XRN1: variants seen among roughly 807,000 people sequenced by gnomAD.
XRN1 encodes strand-exchange protein 1 homolog.
Under a neutral mutation model 222.3 loss-of-function variants are expected in XRN1, and 67 were observed. The observed-to-expected ratio is 0.30, with a 90% confidence interval of 0.25 to 0.37. The LOEUF is 0.37. Ranked by LOEUF, XRN1 falls within the 10% of genes least tolerant of loss-of-function variation. The pLI is 1.00. For synonymous variants in XRN1, 643 were observed against 652.4 expected (o/e 0.99, Z 0.22); for missense variants, 1,707 against 2,000.2 (o/e 0.85, Z 2.80).
intron 20 of XRN1, among the ~76,000 whole-genome samples, chr3:142,390,776 T>C (rs956836973): frequency 1.3e-5 from 2 of 152,248 alleles, no homozygotes; most frequent in Non-Finnish European, 2.9e-5. Flanking sequence ...TATCAGCTTT[T>C]GACATGCCTT....
chr3:142,319,005 A>T (rs2065279541), intron 37 of XRN1, 102 bp from the exon 38 acceptor site: 1 of 1,002,690 alleles, frequency 1.0e-6, no homozygotes, highest in Non-Finnish European at 1.4e-6. Flanking sequence ...TCAAGAATTT[A>T]AAAAAGGGCT....
At chr3:142,373,666 G>A (rs1316590347) in intron 25 of XRN1, among the ~76,000 whole-genome samples, 5 of 152,138 alleles carry the variant, frequency 3.3e-5, no homozygotes, top group East Asian at 3.9e-4. Flanking sequence ...ATATGGAAAC[G>A]AAAGGAGAAT....
At chr3:142,379,991 C>G in intron 23 of XRN1, 91 bp downstream of exon 23, 8 of 914,836 alleles carry the variant, frequency 8.7e-6, no homozygotes, top group Non-Finnish European at 1.1e-5. Flanking sequence ...AATAAAATAT[C>G]TGAAATAAAT....
intron 8 of XRN1, among the ~76,000 whole-genome samples, chr3:142,422,272 T>C (rs1393060341): frequency 1.3e-5 from 2 of 151,970 alleles, no homozygotes; most frequent in South Asian, 4.2e-4. Flanking sequence ...AAGGCAAACG[T>C]TGCACTGTCG....
rs182581896 is a variant in XRN1 at position 142,424,459 on chromosome 3, C to T, written c.627+763G>A. ...TCTGTTGACACATATCAATCAAACG[C>T]CATGTACTTGCATACTGTTTATTTC... is the stretch of plus-strand genomic sequence containing the variant. On this transcript the variant is annotated intron_variant, in intron 5 of 40. Transcript: ENST00000392981. 3.1e-3 allele frequency among the ~76,000 whole-genome samples: 468 copies of T among 152,186 alleles called. 2 individuals carry two copies. The highest frequency in any genetic ancestry group is 0.01 in the Middle Eastern group (3 of 294).
intron 18 of XRN1, 39 bp from the exon 19 acceptor site, chr3:142,400,586 G>T (rs919912345): frequency 1.9e-6 from 3 of 1,545,488 alleles, no homozygotes; most frequent in Non-Finnish European, 2.6e-6. Context: ...ATGATTTCAG[G>T]TCTAAGAGAA....
chr3:142,416,357 A>G (rs1292121676), intron 13 of XRN1, among the ~76,000 whole-genome samples: 1 of 151,988 alleles, frequency 6.6e-6, no homozygotes, highest in Non-Finnish European at 1.5e-5. Flanking sequence ...TAATTTTTGT[A>G]TTTTTAGTAG....
At chr3:142,391,779 T>C (rs2067733321) in intron 20 of XRN1, among the ~76,000 whole-genome samples, 1 of 146,222 alleles carries the variant, frequency 6.8e-6, no homozygotes, top group African/African-American at 2.5e-5. Flanking sequence ...TATATATGAA[T>C]GAAATAAAAT....
chr3:142,329,349 A>AT (rs2065624287), intron 37 of XRN1, 85 bp downstream of exon 37: 2 of 1,022,074 alleles, frequency 2.0e-6, no homozygotes, highest in South Asian at 3.5e-5. Flanking sequence ...GCCCCATTTT[A>AT]TTTTTTCTAG....
Position 142,397,416 on chromosome 3 carries a change from C to A in XRN1, c.2252G>T (p.Gly751Val). 1 of 1,608,554 alleles carries A rather than the reference C, an allele frequency of 6.2e-7. No individual in the cohort carries two copies. Among genetic ancestry groups the A allele is most frequent in the East Asian group, 2.2e-5 (1 of 44,686 alleles). ...EPPGTQKLYS[G>V]RTAPPSKVVH... ...CACTTTAGATGGTGGGGCAGTTCTT[C>A]CTGAATAAAGCTTCTGTGTTCCTGG... is the stretch of plus-strand genomic sequence containing the variant. The change falls in exon 20 of 41, where the codon GGA becomes GTA. Residue 751 changes from glycine to valine, a missense_variant. By Grantham distance (109) the Gly-to-Val change is moderately radical. This residue lies in a region of XRN1 where 1,234 missense variants were observed against 1,518.2 expected (regional missense o/e 0.81). Coordinates refer to ENST00000392981, the MANE Select transcript of XRN1 (RefSeq NM_001282857.2).
In XRN1 at chr3:142,388,869, G is replaced by C. The variant is rs141904543; in HGVS notation, c.2340-4184C>G. 2.3e-3 allele frequency among the ~76,000 whole-genome samples: 348 copies of C among 152,294 alleles called. 4 individuals carry two copies. Among genetic ancestry groups the C allele is most frequent in the Admixed American group, 0.022 (337 of 15,304 alleles). On this transcript the variant is annotated intron_variant, in intron 20 of 40. Coordinates refer to ENST00000392981, the MANE Select transcript of XRN1 (RefSeq NM_001282857.2). ...ACAATGTTCACAGCATCTTCACTATGAGTAGATTCCATCTCAAGAAACCAC... is the reference window on the plus strand; with the variant it reads ...ACAATGTTCACAGCATCTTCACTATCAGTAGATTCCATCTCAAGAAACCAC...
chr3:142,400,201 T>C (rs950149807), intron 19 of XRN1, among the ~76,000 whole-genome samples: 34 of 152,182 alleles, frequency 2.2e-4, no homozygotes, highest in African/African-American at 7.7e-4. Flanking sequence ...AATTAGGATA[T>C]AGAACTTCCA....
intron 1 of XRN1, among the ~76,000 whole-genome samples, chr3:142,434,349 T>C (rs2069772714): frequency 6.6e-6 from 1 of 151,990 alleles, no homozygotes; most frequent in Non-Finnish European, 1.5e-5. Flanking sequence ...TTCATATCTT[T>C]TGTATGAAAA....
intron 3 of XRN1, chr3:142,426,502 C>T: frequency 2.4e-6 from 1 of 421,452 alleles, no homozygotes; most frequent in Non-Finnish European, 4.2e-6. Flanking sequence ...ATTCTGTCCA[C>T]CTGGGAGATT....
rs553098105 is a variant in XRN1 at position 142,398,420 on chromosome 3, A to G, written c.2208-960T>C. Among the ~76,000 whole-genome samples, 12 of 151,646 alleles carry G rather than the reference A, an allele frequency of 7.9e-5. No individual in the cohort carries two copies. The East Asian group carries it at 2.3e-3, about 30-fold the overall frequency. On this transcript the variant is annotated intron_variant, in intron 19 of 40. Transcript: ENST00000392981. ...CTCATTCTGTCACCCAAGCTGGAGT[A>G]CAGTGGAGTGATCATAGCTCACTGC...
chr3:142,371,189 A>C, intron 26 of XRN1, 50 bp downstream of exon 26: 1 of 1,460,118 alleles, frequency 6.8e-7, no homozygotes. Flanking sequence ...GTTGTCATTG[A>C]AAACACTGAA....
chr3:142,363,731 C>T (rs2066727423), intron 29 of XRN1, among the ~76,000 whole-genome samples: 1 of 152,156 alleles, frequency 6.6e-6, no homozygotes, highest in African/African-American at 2.4e-5. Context: ...AGGGTAAATT[C>T]TCCAACTTTG....
intron 39 of XRN1, chr3:142,313,149 A>G: frequency 6.2e-7 from 1 of 1,612,932 alleles, no homozygotes; most frequent in Middle Eastern, 1.7e-4. Context: ...CCCCCAATGC[A>G]TAGTTGCTTC....
At chr3:142,324,251 C>T (rs1379601045) in intron 37 of XRN1, among the ~76,000 whole-genome samples, 10 of 120,270 alleles carry the variant, frequency 8.3e-5, no homozygotes, top group African/African-American at 1.9e-4. Context: ...CCCCCCTCCC[C>T]CCACCCACAA....
Sources: allele counts gnomAD v4.1 joint callset (sites outside exome capture counted in the v4.1 genomes callset), GRCh38; gene constraint gnomAD v4.1.1; regional missense constraint gnomAD v4.1.1; transcripts MANE v1.5; gene names NCBI Gene and HGNC (gene_info 2026-07-23, HGNC 2026-07-21).